HIP1: variants seen among roughly 807,000 people sequenced by gnomAD.
HIP1 encodes huntingtin-interacting protein 1.
A neutral mutation model predicts 147.6 loss-of-function variants in HIP1; 65 were observed. That is an observed-to-expected ratio of 0.44 (90% confidence interval 0.36 to 0.54). HIP1 has a LOEUF of 0.54. Among genes scored for constraint, HIP1 ranks in the 20% least tolerant of loss-of-function variants. The pLI is 0.00. For missense variants in HIP1, 1,061 were observed against 1,299.6 expected, an observed-to-expected ratio of 0.82 and a Z score of 2.82; for synonymous variants, 479 against 504.0, an observed-to-expected ratio of 0.95 and a Z score of 0.67.
chr7:75,574,555 C>T (rs1795769644), intron 7 of HIP1, among the ~76,000 whole-genome samples: 1 of 148,942 alleles, frequency 6.7e-6, no homozygotes, highest in South Asian at 2.1e-4. Context: ...CACCACTGCA[C>T]TCCAGCCTGG....
At chr7:75,617,603 G>A (rs1554506346) in intron 1 of HIP1, among the ~76,000 whole-genome samples, 1 of 152,162 alleles carries the variant, frequency 6.6e-6, no homozygotes, top group Non-Finnish European at 1.5e-5. Flanking sequence ...GAACATCTGT[G>A]ATGACCTTCG....
At chr7:75,553,843 A>C (rs1397931603) in intron 21 of HIP1, among the ~76,000 whole-genome samples, 2 of 152,162 alleles carry the variant, frequency 1.3e-5, no homozygotes, top group Non-Finnish European at 2.9e-5. Flanking sequence ...ACCTCAGGTG[A>C]TCTGCCCACC....
chr7:75,681,102 A>T (rs933267619), intron 1 of HIP1, among the ~76,000 whole-genome samples: 1 of 151,972 alleles, frequency 6.6e-6, no homozygotes, highest in Non-Finnish European at 1.5e-5. Flanking sequence ...TAGTAGAGAC[A>T]GGGCTTCACC....
chr7:75,738,212 A>G (rs782071681), intron 1 of HIP1, among the ~76,000 whole-genome samples: 1 of 151,210 alleles, frequency 6.6e-6, no homozygotes, highest in Non-Finnish European at 1.5e-5. Context: ...TGCATTTCCT[A>G]CATTCCTTTT....
At chr7:75,605,218 G>T (rs587669240) in intron 1 of HIP1, among the ~76,000 whole-genome samples, 1 of 152,136 alleles carries the variant, frequency 6.6e-6, no homozygotes, top group African/African-American at 2.4e-5. Flanking sequence ...ACCAGCACCC[G>T]CTCTGTACTG....
chr7:75,564,540 C>A (rs147116251), intron 9 of HIP1, among the ~76,000 whole-genome samples: 1,600 of 152,058 alleles, frequency 0.011, 22 homozygotes, highest in African/African-American at 0.035. Context: ...GTGATCCGCC[C>A]GTCTCGGCCT....
chr7:75,685,737 C>T (rs1432010712), intron 1 of HIP1, among the ~76,000 whole-genome samples: 2 of 151,610 alleles, frequency 1.3e-5, no homozygotes. Flanking sequence ...TTAGTAGAGA[C>T]GGGTTTTTCC....
At chr7:75,688,020 C>G (rs375574019) in intron 1 of HIP1, among the ~76,000 whole-genome samples, 33 of 152,242 alleles carry the variant, frequency 2.2e-4, no homozygotes, top group African/African-American at 7.7e-4. Flanking sequence ...CTTATCCTCC[C>G]CAACTAGAAA....
chr7:75,588,051 G>A (rs782115692), intron 4 of HIP1, among the ~76,000 whole-genome samples: 10 of 152,096 alleles, frequency 6.6e-5, no homozygotes, highest in South Asian at 4.1e-4. Flanking sequence ...AGTAACAAAC[G>A]CTTGTACTCC....
chr7:75,549,185 G>C (rs1794685286), intron 22 of HIP1, among the ~76,000 whole-genome samples, 184 bp from the exon 23 acceptor site: 1 of 151,848 alleles, frequency 6.6e-6, no homozygotes, highest in South Asian at 2.1e-4. Context: ...ACAAACTCTG[G>C]AACCTCATGC....
At chr7:75,578,013 A>AACAC in intron 7 of HIP1, among the ~76,000 whole-genome samples, 1 of 152,140 alleles carries the variant, frequency 6.6e-6, no homozygotes, top group Non-Finnish European at 1.5e-5. Context: ...AAAACAAACA[A>AACAC]ACACACAAAA....
intron 9 of HIP1, among the ~76,000 whole-genome samples, chr7:75,566,950 A>G (rs1338965285): frequency 6.6e-6 from 1 of 151,028 alleles, no homozygotes; most frequent in African/African-American, 2.5e-5. Context: ...TGTCTCTACT[A>G]AAAATACAAA....
At chr7:75,625,332 GTCC>G (rs1797999849) in intron 1 of HIP1, 1 of 152,436 alleles carries the variant, frequency 6.6e-6, no homozygotes, top group Non-Finnish European at 1.5e-5. Context: ...CTAAGACTTA[GTCC>G]TGGTTTCAGA....
chr7:75,705,648 C>A (rs565770509), intron 1 of HIP1, among the ~76,000 whole-genome samples: 1 of 152,232 alleles, frequency 6.6e-6, no homozygotes, highest in African/African-American at 2.4e-5. Flanking sequence ...AGCCACCACG[C>A]CTGGCCAGAT....
chr7:75,677,594 G>T (rs1799939353), intron 1 of HIP1, among the ~76,000 whole-genome samples: 1 of 100,814 alleles, frequency 9.9e-6, no homozygotes, highest in Non-Finnish European at 1.8e-5. Flanking sequence ...AACAGTGCAA[G>T]ACTCCATCTA....
chr7:75,568,350 T>C lies in HIP1; in HGVS notation c.746-94A>G. 2.4e-6 allele frequency: 2 copies of C among 838,276 alleles called. No homozygotes were observed. Among genetic ancestry groups the C allele is most frequent in the Non-Finnish European group, 4.2e-6 (2 of 478,472 alleles). The allele number at this position is 838,276 out of a possible 1,614,324, so 51.9% of individuals were successfully genotyped here. A position where few individuals can be genotyped will look rare whatever the true frequency, so the allele number is the denominator to read the frequency against. Reference sequence around the variant, plus strand: ...TCGAGGGGGAGGGGCCCAGCTACCCTGGGGCATGTGGCCAGCACTGCCAGG... The same window carrying C: ...TCGAGGGGGAGGGGCCCAGCTACCCCGGGGCATGTGGCCAGCACTGCCAGG... On this transcript the variant is annotated intron_variant, in intron 8 of 30. Coordinates refer to ENST00000336926, the MANE Select transcript of HIP1 (RefSeq NM_005338.7). The surrounding 1 kb of genome is among the most constrained non-coding windows in gnomAD (Gnocchi z 4.1).
chr7:75,545,295 A>T (rs190676972), intron 25 of HIP1, 107 bp from the exon 26 acceptor site: 11 of 727,224 alleles, frequency 1.5e-5, no homozygotes, highest in Admixed American at 1.5e-4. Context: ...TAACTCTGAG[A>T]CATAAGCATT....
rs1554498524 is a variant in HIP1, at chr7:75,581,245, A to G, written c.596T>C (p.Phe199Ser). The G allele has an allele frequency of 6.2e-7, 1 of 1,610,518 alleles. No individual in the cohort carries two copies. Among genetic ancestry groups the G allele is most frequent in the Non-Finnish European group, 8.5e-7 (1 of 1,178,036 alleles). Residue 199 changes from phenylalanine to serine, a missense_variant, in exon 7 of 31, where the codon TTC becomes TCC. Around this residue, in one of 3 missense-constraint regions of HIP1, gnomAD observed 225 missense variants for 292.9 expected, o/e 0.77. Transcript: ENST00000336926. ...GGAGGGAAGAGACTCACCTGTTTGG[A>G]AGAGGTTGAGTTCACACTCCAGGTA... is the stretch of plus-strand genomic sequence containing the variant. ...FDYLECELNL[F>S]QTVFNSLDMS... is the part of the protein sequence containing the mutation.
Position 75,607,228 on chromosome 7 carries a change from G to GT in HIP1, c.121-7982dup, listed in dbSNP as rs202211589. ...TACAAAAAAAAAAGAGTTGTTTTTT[G>GT]TTTTGTTTTTTTTTTTTTTGAGACA... On this transcript the variant is annotated intron_variant, in intron 1 of 30. Transcript: ENST00000336926. Among the ~76,000 whole-genome samples, 148 of 139,454 alleles carry GT rather than the reference G, an allele frequency of 1.1e-3. 4 individuals are homozygous for GT. Among genetic ancestry groups the GT allele is most frequent in the African/African-American group, 3.0e-3 (104 of 34,560 alleles). The allele number at this position is 139,454 out of a possible 152,430, so 91.5% of individuals were successfully genotyped here. A position where few individuals can be genotyped will look rare whatever the true frequency, so the allele number is the denominator to read the frequency against.
Sources: allele counts gnomAD v4.1 joint callset (sites outside exome capture counted in the v4.1 genomes callset), GRCh38; gene constraint gnomAD v4.1.1; regional missense constraint gnomAD v4.1.1; non-coding constraint Gnocchi (gnomAD v3.1); transcripts MANE v1.5; gene names NCBI Gene and HGNC (gene_info 2026-07-23, HGNC 2026-07-21).